NETO2: variants seen among roughly 807,000 people sequenced by gnomAD.
The protein encoded by NETO2 is neuropilin and tolloid-like protein 2.
A neutral mutation model predicts 62.5 loss-of-function variants in NETO2; 28 were observed. That is an observed-to-expected ratio of 0.45 (90% CI 0.33 to 0.61). The LOEUF (loss-of-function observed/expected upper bound fraction) is 0.61. Ranked by LOEUF, NETO2 falls within the 20% of genes least tolerant of loss-of-function variation. The pLI is 0.02. For synonymous variants in NETO2, 214 were observed against 219.1 expected, an observed-to-expected ratio of 0.98 and a Z score of 0.21; for missense variants, 548 against 643.2, an observed-to-expected ratio of 0.85 and a Z score of 1.60.
intron 6 of NETO2, among the ~76,000 whole-genome samples, chr16:47,116,560 G>A (rs201531668): frequency 6.6e-6 from 1 of 152,016 alleles, no homozygotes; most frequent in East Asian, 1.9e-4. Context: ...CTATTTTCTT[G>A]ACGAATACTG....
At chr16:47,104,773 G>A (rs1403088570) in intron 7 of NETO2, among the ~76,000 whole-genome samples, 1 of 152,082 alleles carries the variant, frequency 6.6e-6, no homozygotes, top group Non-Finnish European at 1.5e-5. Context: ...AGGCTGGAGT[G>A]CAGTGGCACG....
chr16:47,109,420 G>T, intron 7 of NETO2, 63 bp downstream of exon 7: 1 of 1,142,120 alleles, frequency 8.8e-7, no homozygotes. Flanking sequence ...TAAATGCTGA[G>T]TGTACTGTGA....
chr16:47,099,461 A>G (rs1268817646), intron 7 of NETO2, among the ~76,000 whole-genome samples: 1 of 152,218 alleles, frequency 6.6e-6, no homozygotes, highest in African/African-American at 2.4e-5. Context: ...GCACATAACA[A>G]TATTAACCTT....
rs144054886 is a variant in NETO2 at position 47,083,490 on chromosome 16, C to T, written c.1309G>A (p.Asp437Asn). ...GAGGCCTGCGACCCACAGTGGTGGT[C>T]GTGGATGCAGCGGGAGGCGGTGGAG... is the stretch of plus-strand genomic sequence containing the variant. ...RSSTASRCIHDHHCGSQASSV... is the reference protein window; with the variant it reads ...RSSTASRCIHNHHCGSQASSV... The change falls in exon 9 of 9, where the codon GAC becomes AAC. Residue 437 changes from aspartate to asparagine, a missense_variant. By Grantham distance (23) the Asp-to-Asn change is conservative (BLOSUM62 1). Transcript: ENST00000562435. The T allele has an allele frequency of 8.6e-5, 138 of 1,613,988 alleles. No individual in the cohort carries two copies. The highest frequency in any genetic ancestry group is 1.0e-4 in the Non-Finnish European group (122 of 1,180,046).
chr16:47,106,928 C>T lies in NETO2; in HGVS notation c.883+2555G>A, dbSNP rs550054035. On this transcript the variant is annotated intron_variant, in intron 7 of 8. Coordinates refer to ENST00000562435, the MANE Select transcript of NETO2 (RefSeq NM_018092.5). ...TGCCCAGTAGATGGAATTATAGGCG[C>T]GTGCTACCATGCCCCACTAATTTTT... Among the ~76,000 whole-genome samples the T allele has an allele frequency of 4.6e-5, 7 of 152,028 alleles. No homozygotes were observed. The South Asian group carries it at 8.3e-4, about 18-fold the overall frequency.
intron 7 of NETO2, 95 bp downstream of exon 7, chr16:47,109,388 T>A (rs995175686): frequency 2.5e-5 from 17 of 677,164 alleles, no homozygotes; most frequent in African/African-American, 3.7e-5. Context: ...AAAAACATCC[T>A]AAAATAAATA....
At chr16:47,104,029 G>A (rs1963615939) in intron 7 of NETO2, among the ~76,000 whole-genome samples, 1 of 152,092 alleles carries the variant, frequency 6.6e-6, no homozygotes, top group African/African-American at 2.4e-5. Flanking sequence ...GAGCAATTAG[G>A]CAAGAAAAGG....
chr16:47,137,244 T>A (rs889509937), intron 1 of NETO2, among the ~76,000 whole-genome samples: 7 of 152,230 alleles, frequency 4.6e-5, no homozygotes, highest in Non-Finnish European at 8.8e-5. Flanking sequence ...CATAATCACC[T>A]TGGGTTTATT....
chr16:47,128,231 A>C, intron 4 of NETO2, 94 bp downstream of exon 4: 1 of 1,443,026 alleles, frequency 6.9e-7, no homozygotes, highest in Non-Finnish European at 9.3e-7. Context: ...GATTTGATTA[A>C]CTTGACCAAA....
At chr16:47,129,673 C>T (rs898706649) in intron 2 of NETO2, among the ~76,000 whole-genome samples, 6 of 152,102 alleles carry the variant, frequency 3.9e-5, no homozygotes, top group African/African-American at 1.4e-4. Context: ...TCAGTTCTAA[C>T]CTAAAAATAA....
rs373069289 is a variant in NETO2 at position 47,117,421 on chromosome 16, C to G, written c.654+5236G>C. On this transcript the variant is annotated intron_variant, in intron 6 of 8. Coordinates refer to ENST00000562435, the MANE Select transcript of NETO2 (RefSeq NM_018092.5). The stretch of plus-strand genomic sequence containing the variant: ...AGATATATGTCCTTCAAGTTTGGGA[C>G]TTTTTAGCAATTTTTTCTTCAAATA... 2.6e-4 allele frequency among the ~76,000 whole-genome samples: 39 copies of G among 152,220 alleles called. 1 individual carries two copies. In the South Asian group the frequency reaches 6.4e-3, roughly 25 times the overall value.
intron 1 of NETO2, among the ~76,000 whole-genome samples, chr16:47,134,013 A>C (rs1964321737): frequency 6.6e-6 from 1 of 152,194 alleles, no homozygotes; most frequent in African/African-American, 2.4e-5. Context: ...AGCAGTGGAA[A>C]GGGAAAGGAG....
chr16:47,114,251 G>A (rs1208271978), intron 6 of NETO2, among the ~76,000 whole-genome samples: 1 of 151,866 alleles, frequency 6.6e-6, no homozygotes, highest in East Asian at 1.9e-4. Context: ...ATCTTCTGTG[G>A]TGAAGTATCT....
intron 6 of NETO2, among the ~76,000 whole-genome samples, chr16:47,120,970 G>A (rs1020820131): frequency 2.0e-5 from 3 of 151,906 alleles, no homozygotes; most frequent in Admixed American, 1.3e-4. Context: ...GGAGGCGCAC[G>A]TCACATGTGT....
At chr16:47,105,690 A>T (rs1963659928) in intron 7 of NETO2, among the ~76,000 whole-genome samples, 1 of 152,254 alleles carries the variant, frequency 6.6e-6, no homozygotes, top group Non-Finnish European at 1.5e-5. Context: ...CTTTCTGCAA[A>T]GAAGATGTAT....
chr16:47,113,585 CT>C (rs953891691), intron 6 of NETO2, among the ~76,000 whole-genome samples: 228 of 106,618 alleles, frequency 2.1e-3, no homozygotes, highest in African/African-American at 4.2e-3. Flanking sequence ...ACAGTTTATT[CT>C]TTTTTTTTTT....
chr16:47,129,841 A>G (rs1964229659), intron 2 of NETO2, among the ~76,000 whole-genome samples: 1 of 152,238 alleles, frequency 6.6e-6, no homozygotes, highest in Non-Finnish European at 1.5e-5. Context: ...TTAAACAGCA[A>G]TAAAAGGATT....
At chr16:47,116,142 G>GTTTTTTTTT (rs150157077) in intron 6 of NETO2, among the ~76,000 whole-genome samples, 2 of 131,510 alleles carry the variant, frequency 1.5e-5, no homozygotes, top group Non-Finnish European at 1.7e-5. Flanking sequence ...AGGGTTTTCT[G>GTTTTTTTTT]TTTTTTTTTT....
At chr16:47,090,998 T>G (rs572528516) in intron 7 of NETO2, among the ~76,000 whole-genome samples, 144 of 152,330 alleles carry the variant, frequency 9.5e-4, no homozygotes, top group Non-Finnish European at 1.7e-3. Flanking sequence ...TTGTAACAAT[T>G]ACAAATCACA....
Sources: allele counts gnomAD v4.1 joint callset (sites outside exome capture counted in the v4.1 genomes callset), GRCh38; gene constraint gnomAD v4.1.1; transcripts MANE v1.5; gene names NCBI Gene and HGNC (gene_info 2026-07-23, HGNC 2026-07-21).